COL24A1: variants seen among roughly 807,000 people sequenced by gnomAD.
COL24A1 encodes collagen type XXIV alpha 1 chain.
Under a neutral mutation model 253.9 loss-of-function variants are expected in COL24A1, and 224 were observed. The observed-to-expected ratio is 0.88, with a 90% CI of 0.79 to 0.99. The LOEUF (loss-of-function observed/expected upper bound fraction) is 0.99. COL24A1 is among the 50% of genes least tolerant of loss of function. COL24A1 has a pLI of 0.00. For missense variants in COL24A1, 2,131 were observed against 2,068.5 expected (o/e 1.03, Z -0.59); for synonymous variants, 685 against 673.7 (o/e 1.02, Z -0.26).
chr1:85,821,146 A>AG (rs1673585706), intron 45 of COL24A1, among the ~76,000 whole-genome samples: 1 of 152,204 alleles, frequency 6.6e-6, no homozygotes, highest in South Asian at 2.1e-4. Context: ...GAGTCATTAT[A>AG]GGACAGTTCA....
At chr1:85,754,449 A>G (rs1424436189) in intron 55 of COL24A1, among the ~76,000 whole-genome samples, 1 of 99,624 alleles carries the variant, frequency 1.0e-5, no homozygotes, top group African/African-American at 3.9e-5. Flanking sequence ...ATGACACGTT[A>G]GTGGGTGCAG....
chr1:85,980,419 C>A (rs961271354), intron 20 of COL24A1, among the ~76,000 whole-genome samples: 1 of 152,012 alleles, frequency 6.6e-6, no homozygotes, highest in Non-Finnish European at 1.5e-5. Context: ...TGATTGTATA[C>A]CTATAAAACC....
intron 5 of COL24A1, among the ~76,000 whole-genome samples, chr1:86,110,540 C>G (rs1705446842): frequency 6.6e-6 from 1 of 151,934 alleles, no homozygotes; most frequent in Non-Finnish European, 1.5e-5. Flanking sequence ...GCTCCCTCTG[C>G]TTGCGGGGAG....
intron 12 of COL24A1, chr1:86,046,004 T>C: frequency 3.9e-6 from 1 of 258,334 alleles, no homozygotes; most frequent in East Asian, 9.3e-5. Flanking sequence ...TCTGAGCAAG[T>C]CTTTTAACAT....
chr1:85,835,197 GCA>G (rs1320276208), intron 43 of COL24A1, among the ~76,000 whole-genome samples: 1 of 128,876 alleles, frequency 7.8e-6, no homozygotes, highest in East Asian at 2.0e-4. Context: ...TTGGCTCACT[GCA>G]ACCTCTGCCT....
intron 19 of COL24A1, among the ~76,000 whole-genome samples, chr1:85,994,411 G>GAAAAAA (rs56146912): frequency 2.1e-5 from 3 of 141,604 alleles, no homozygotes; most frequent in Non-Finnish European, 4.6e-5. Context: ...AAGTTATCCT[G>GAAAAAA]AAAAAAAAAA....
intron 3 of COL24A1, among the ~76,000 whole-genome samples, chr1:86,118,355 G>A (rs1472000763): frequency 6.6e-6 from 1 of 152,174 alleles, no homozygotes; most frequent in African/African-American, 2.4e-5. Context: ...GAGCCACTGT[G>A]CCTGGCCTAA....
chr1:86,156,521 C>T lies in COL24A1; in HGVS notation c.-125G>A. ...AATCACATGAAAACCATGCTTCAAA[C>T]CCGCAACAAGAAAAAAAGGAGGGGA... On this transcript the variant is annotated 5_prime_UTR_variant, in exon 1 of 60. Coordinates refer to ENST00000370571, the MANE Select transcript of COL24A1 (RefSeq NM_152890.7). The T allele has an allele frequency of 1.2e-6, 1 of 834,922 alleles. No homozygotes were observed. Among genetic ancestry groups the T allele is most frequent in the Non-Finnish European group, 1.7e-6 (1 of 575,608 alleles). 51.7% of individuals were successfully genotyped at this position (834,922 alleles called of 1,614,324 possible). A position where few individuals can be genotyped will look rare whatever the true frequency, so the allele number is the denominator to read the frequency against.
At chr1:85,740,317 C>T (rs1007992001) in intron 57 of COL24A1, among the ~76,000 whole-genome samples, 8 of 152,294 alleles carry the variant, frequency 5.3e-5, no homozygotes, top group Middle Eastern at 3.4e-3. Context: ...CCTATTCATT[C>T]GCTCTTATCC....
intron 26 of COL24A1, 75 bp downstream of exon 26, chr1:85,909,875 G>A: frequency 8.5e-7 from 1 of 1,180,168 alleles, no homozygotes; most frequent in East Asian, 2.4e-5. Context: ...TCCAGCCCAG[G>A]CAATTCCATC....
At position 86,084,705 on chromosome 1, in the gene COL24A1, A is replaced by G. The variant is rs140389337; in HGVS notation, c.1707+4469T>C. 4.6e-3 allele frequency among the ~76,000 whole-genome samples: 696 copies of G among 152,332 alleles called. 3 individuals are homozygous for G. The highest frequency in any genetic ancestry group is 0.014 in the African/African-American group (600 of 41,572). On this transcript the variant is annotated intron_variant, in intron 7 of 59. Coordinates refer to ENST00000370571, the MANE Select transcript of COL24A1 (RefSeq NM_152890.7). ...ATTTGTCATTAATGTTGGAATTTCA[A>G]TCATATGAGCCAGACTGAGGGAAAT...
rs1228415666 is a variant in COL24A1, at chr1:85,987,608, C to T, written c.2357G>A (p.Gly786Glu). 3 of 1,610,326 alleles carry T rather than the reference C, an allele frequency of 1.9e-6. No homozygotes were observed. Among genetic ancestry groups the T allele is most frequent in the South Asian group, 2.2e-5 (2 of 90,680 alleles). Residue 786 changes from glycine to glutamate, a missense_variant, in exon 20 of 60, where the codon GGA (glycine) becomes GAA (glutamate). Physicochemically the swap from Gly to Glu is moderately conservative, Grantham distance 98. Transcript: ENST00000370571. The part of the protein sequence containing the change: ...IGIPGQNGPE[G>E]PKGLLGNRGP... The stretch of plus-strand genomic sequence containing the variant: ...TCTTCTTCTTCTTCTTACCTTTGGT[C>T]CTTCAGGGCCGTTTTGTCCAGGAAT...
intron 7 of COL24A1, among the ~76,000 whole-genome samples, chr1:86,078,811 C>CA (rs1397306919): frequency 6.6e-6 from 1 of 151,796 alleles, no homozygotes; most frequent in Non-Finnish European, 1.5e-5. Context: ...AAGAGGACAC[C>CA]AAAAAATGGA....
At chr1:85,853,302 G>T (rs1157136256) in intron 37 of COL24A1, among the ~76,000 whole-genome samples, 1 of 152,054 alleles carries the variant, frequency 6.6e-6, no homozygotes, top group South Asian at 2.1e-4. Flanking sequence ...ACATGATCTT[G>T]TTCTTTTTCT....
Position 86,112,562 on chromosome 1 carries a change from C to T in COL24A1, c.1599+5G>A, listed in dbSNP as rs766289126. 3.7e-6 allele frequency: 6 copies of T among 1,611,804 alleles called. No individual in the cohort carries two copies. The South Asian group carries it at 6.6e-5, about 18-fold the overall frequency. On this transcript the variant is annotated splice_donor_5th_base_variant and intron_variant, in intron 5 of 59. Coordinates refer to ENST00000370571, the MANE Select transcript of COL24A1 (RefSeq NM_152890.7). The stretch of plus-strand genomic sequence containing the variant: ...GCTTAAGTTGCCTGATTAGTAGTCA[C>T]TTACCTTTGGACCAGGTAATCCAGG...
At position 85,841,195 on chromosome 1, in the gene COL24A1, C is replaced by A. The variant is rs1676573301; in HGVS notation, c.3627+27G>T. 7 of 1,538,798 alleles carry A rather than the reference C, an allele frequency of 4.5e-6. No homozygotes were observed. The East Asian group carries it at 1.6e-4, about 35-fold the overall frequency. On this transcript the variant is annotated intron_variant, in intron 42 of 59. Transcript: ENST00000370571. ...TATAATTGTGTTTTATCTTGAATAA[C>A]CAGAATTATTTCAGAAAAAGACCTA... is the stretch of plus-strand genomic sequence containing the variant.
intron 25 of COL24A1, 119 bp from the exon 26 acceptor site, chr1:85,910,122 T>G: frequency 1.7e-6 from 1 of 582,570 alleles, no homozygotes; most frequent in Non-Finnish European, 2.9e-6. Context: ...TACATCATTT[T>G]TATTTCCAAT....
intron 57 of COL24A1, among the ~76,000 whole-genome samples, chr1:85,740,290 T>G (rs369890773): frequency 1.3e-5 from 2 of 152,190 alleles, no homozygotes; most frequent in Admixed American, 6.5e-5. Flanking sequence ...ATCACTAAGA[T>G]AGTTAACTAT....
Position 86,017,181 on chromosome 1 carries a change from G to A in COL24A1, c.2280C>T (p.Leu760=). The A allele has an allele frequency of 1.3e-6, 2 of 1,585,296 alleles. No individual in the cohort carries two copies. Among genetic ancestry groups the A allele is most frequent in the Non-Finnish European group, 1.7e-6 (2 of 1,170,350 alleles). The change falls in exon 19 of 60, where the codon CTC becomes CTT. Residue 760 remains leucine (L), a synonymous_variant. Coordinates refer to ENST00000370571, the MANE Select transcript of COL24A1 (RefSeq NM_152890.7). ...GPSGQTGDPG[L]QGPSGPPGPE... ...GTCCTGGAGGGCCAGATGGTCCTTG[G>A]AGTCCTGGGTCACCTGTTTGGCCCT... is the stretch of plus-strand genomic sequence containing the variant.
Sources: allele counts gnomAD v4.1 joint callset (sites outside exome capture counted in the v4.1 genomes callset), GRCh38; gene constraint gnomAD v4.1.1; transcripts MANE v1.5; gene names NCBI Gene and HGNC (gene_info 2026-07-23, HGNC 2026-07-21).